Variants in RFC1 observed in about 807,000 individuals in gnomAD.
The protein encoded by RFC1 is A1 140 kDa subunit.
A neutral mutation model predicts 137.4 loss-of-function variants in RFC1; 37 were observed. That is an observed-to-expected ratio of 0.27 (90% CI 0.21 to 0.35). The LOEUF (loss-of-function observed/expected upper bound fraction) is 0.35. Among genes scored for constraint, RFC1 ranks in the 10% least tolerant of loss-of-function variants. RFC1 has a pLI of 1.00. For synonymous variants in RFC1, 429 were observed against 455.7 expected (o/e 0.94, Z 0.75); for missense variants, 1,205 against 1,358.5 (o/e 0.89, Z 1.78).
intron 1 of RFC1, among the ~76,000 whole-genome samples, chr4:39,360,460 C>T (rs1021499696): frequency 2.0e-5 from 3 of 151,602 alleles, no homozygotes; most frequent in African/African-American, 7.3e-5. Flanking sequence ...GCCAAGGTCG[C>T]GCCACTGCAC....
chr4:39,308,709 G>C lies in RFC1; in HGVS notation c.1812C>G (p.Asp604Glu), dbSNP rs1432587686. ...GTAGGAGTTTGTTGGCACAGCTCTG[G>C]TCACCTTGCTGTCCAATTATGGTCT... is the stretch of plus-strand genomic sequence containing the variant. Reference protein sequence around the residue: ...SLKTIIGQQGDQSCANKLLRW... With the variant: ...SLKTIIGQQGEQSCANKLLRW... The change falls in exon 13 of 25, where the codon GAC (aspartate) becomes GAG (glutamate). Residue 604 changes from aspartate to glutamate, a missense_variant. Coordinates refer to ENST00000349703, the MANE Select transcript of RFC1 (RefSeq NM_002913.5). 12 of 1,614,014 alleles carry C rather than the reference G, an allele frequency of 7.4e-6. No homozygotes were observed. Among genetic ancestry groups the C allele is most frequent in the Admixed American group, 1.7e-5 (1 of 59,998 alleles).
chr4:39,310,266 G>A (rs945168590), intron 12 of RFC1, among the ~76,000 whole-genome samples: 2 of 152,176 alleles, frequency 1.3e-5, no homozygotes, highest in East Asian at 3.8e-4. Flanking sequence ...TGTCATCGAC[G>A]GGAGAAGACT....
At chr4:39,299,987 A>C in intron 21 of RFC1, 34 bp downstream of exon 21, 2 of 1,229,288 alleles carry the variant, frequency 1.6e-6, no homozygotes, top group Non-Finnish European at 2.4e-6. Flanking sequence ...TAGTAAAAGC[A>C]GAGCCTGCAT....
intron 19 of RFC1, 72 bp from the exon 20 acceptor site, chr4:39,300,486 A>G: frequency 1.8e-6 from 2 of 1,097,468 alleles, no homozygotes; most frequent in Non-Finnish European, 2.7e-6. Context: ...AATGCTAACG[A>G]GGATATGGAA....
chr4:39,315,171 T>C (rs6531711), intron 10 of RFC1, among the ~76,000 whole-genome samples: 80,792 of 152,092 alleles, frequency 0.53, 22,654 homozygotes, highest in African/African-American at 0.71. Context: ...CCACTGTCCT[T>C]AGCTCTTGCT....
intron 1 of RFC1, among the ~76,000 whole-genome samples, chr4:39,359,968 G>T (rs986376483): frequency 1.3e-4 from 19 of 151,964 alleles, no homozygotes; most frequent in African/African-American, 3.9e-4. Flanking sequence ...CGCCACTAAA[G>T]AACTTACTCA....
At chr4:39,344,302 C>A (rs1187994666) in intron 3 of RFC1, among the ~76,000 whole-genome samples, 1 of 152,086 alleles carries the variant, frequency 6.6e-6, no homozygotes, top group Non-Finnish European at 1.5e-5. Context: ...AAAGAAAAGC[C>A]TTTAAATTGT....
chr4:39,295,022 A>C (rs1162110211), intron 22 of RFC1, among the ~76,000 whole-genome samples: 1 of 152,206 alleles, frequency 6.6e-6, no homozygotes, highest in Non-Finnish European at 1.5e-5. Flanking sequence ...TAAAAAGAAG[A>C]ATCCATAAAG....
intron 20 of RFC1, 22 bp from the exon 21 acceptor site, chr4:39,300,160 G>A (rs763543869): frequency 6.2e-6 from 10 of 1,611,074 alleles, no homozygotes; most frequent in Non-Finnish European, 7.6e-6. Flanking sequence ...AACCAGTCTG[G>A]ATTATCCCAC....
chr4:39,289,636 G>A (rs1476790493), intron 24 of RFC1: 4 of 514,888 alleles, frequency 7.8e-6, no homozygotes, highest in Non-Finnish European at 1.0e-5. Context: ...TCAATATCAT[G>A]GCCTGTTTTC....
At chr4:39,308,525 T>C (rs1738797805) in intron 13 of RFC1, 111 bp downstream of exon 13, 6 of 1,443,634 alleles carry the variant, frequency 4.2e-6, no homozygotes, top group Non-Finnish European at 5.6e-6. Flanking sequence ...AAGCTCTTAA[T>C]AAATGCTTGC....
rs1346529590 is a variant in RFC1, at chr4:39,348,277, G to A, written c.133-2801C>T. Among the ~76,000 whole-genome samples, 4 of 150,828 alleles carry A rather than the reference G, an allele frequency of 2.7e-5. No homozygotes were observed. The East Asian group carries it at 7.9e-4, about 30-fold the overall frequency. ...TCTCTAGGAAAAATACAAAAAATTAGCTGGACATGGTGGCACGCGACTATA... is the reference window on the plus strand; with the variant it reads ...TCTCTAGGAAAAATACAAAAAATTAACTGGACATGGTGGCACGCGACTATA... On this transcript the variant is annotated intron_variant, in intron 2 of 24. Transcript: ENST00000349703.
chr4:39,307,707 C>A (rs547287596), intron 13 of RFC1, among the ~76,000 whole-genome samples: 1 of 149,314 alleles, frequency 6.7e-6, no homozygotes, highest in Non-Finnish European at 1.5e-5. Context: ...CAGAGCAAGA[C>A]TCTGTCTCAA....
At position 39,353,602 on chromosome 4, in the gene RFC1, C is replaced by G. The variant is rs112475326; in HGVS notation, c.4-2126G>C. On this transcript the variant is annotated intron_variant, in intron 1 of 24. Transcript: ENST00000349703. ...AGGAGAAGAACAATAAAGAAAACCACAGTCTTTCCTATAATTACAGAGAAT... is the reference window on the plus strand; with the variant it reads ...AGGAGAAGAACAATAAAGAAAACCAGAGTCTTTCCTATAATTACAGAGAAT... 6.4e-3 allele frequency among the ~76,000 whole-genome samples: 968 copies of G among 152,134 alleles called. 7 individuals carry two copies. Among genetic ancestry groups the G allele is most frequent in the African/African-American group, 0.022 (919 of 41,490 alleles).
intron 5 of RFC1, 41 bp downstream of exon 5, chr4:39,327,483 T>C: frequency 2.3e-6 from 3 of 1,303,244 alleles, no homozygotes; most frequent in Non-Finnish European, 3.2e-6. Flanking sequence ...AGTGAATGGG[T>C]ATAAATCCTG....
intron 1 of RFC1, chr4:39,365,590 A>G: frequency 1.9e-6 from 1 of 536,270 alleles, no homozygotes; most frequent in Non-Finnish European, 2.4e-6. Flanking sequence ...TAAGAGGATG[A>G]CAGCTGTCAA....
At chr4:39,360,220 G>A (rs569756217) in intron 1 of RFC1, among the ~76,000 whole-genome samples, 5 of 151,856 alleles carry the variant, frequency 3.3e-5, no homozygotes, top group Admixed American at 2.6e-4. Context: ...ACAAAAATCG[G>A]CCAGGTGCGG....
intron 4 of RFC1, among the ~76,000 whole-genome samples, chr4:39,340,104 C>T (rs556352471): frequency 3.9e-5 from 6 of 152,248 alleles, no homozygotes; most frequent in African/African-American, 1.4e-4. Context: ...GCGATGTCTC[C>T]ATTTTACATA....
chr4:39,326,736 G>A, intron 5 of RFC1, 96 bp from the exon 6 acceptor site: 11 of 882,170 alleles, frequency 1.2e-5, no homozygotes, highest in Non-Finnish European at 2.0e-5. Flanking sequence ...ACACCAGTGA[G>A]AGATAAGTGT....
Sources: gnomAD v4.1 joint callset for allele counts (sites outside exome capture counted in the v4.1 genomes callset) on GRCh38, gnomAD v4.1.1 for gene constraint, MANE v1.5 for transcripts, NCBI Gene and HGNC (gene_info 2026-07-23, HGNC 2026-07-21) for gene names.